The following NELL1 variants were observed in gnomAD, a reference collection of about 807,000 sequenced individuals.
The protein encoded by NELL1 is neural EGFL like 1.
In NELL1, 76 loss-of-function variants were observed where a neutral mutation model predicts 107.4. The observed-to-expected ratio is 0.71, with a 90% CI of 0.59 to 0.86. The LOEUF is 0.86. Ranked by LOEUF, NELL1 falls within the 40% of genes least tolerant of loss-of-function variation. The probability of loss-of-function intolerance (pLI) is 0.00; values close to 1 mark genes in which losing one functional copy is unlikely to be tolerated. For missense variants in NELL1, 1,024 were observed against 1,005.5 expected, an observed-to-expected ratio of 1.02 and a Z score of -0.25; for synonymous variants, 353 against 341.2, an observed-to-expected ratio of 1.03 and a Z score of -0.38.
chr11:20,724,705 T>C (rs1855469548), intron 2 of NELL1, among the ~76,000 whole-genome samples: 1 of 152,192 alleles, frequency 6.6e-6, no homozygotes. Context: ...CTTCTTTTTT[T>C]CTTCTGAGCC....
upstream of NELL1, chr11:20,669,557 G>A: frequency 3.0e-6 from 1 of 332,536 alleles, no homozygotes. The surrounding 1 kb of genome is among the most constrained non-coding windows in gnomAD (Gnocchi z 4.4). Context: ...GGCCGGGGCT[G>A]CCTTCCCGGG....
chr11:20,928,286 G>A, intron 8 of NELL1, 91 bp from the exon 9 acceptor site: 1 of 1,142,836 alleles, frequency 8.8e-7, no homozygotes, highest in Non-Finnish European at 1.3e-6. Flanking sequence ...TTTCCCTGAT[G>A]AGGTTTCTGG....
chr11:21,057,266 T>G (rs1239819766), intron 12 of NELL1, among the ~76,000 whole-genome samples: 3 of 152,060 alleles, frequency 2.0e-5, no homozygotes, highest in African/African-American at 4.8e-5. Context: ...ACTAAAATGA[T>G]TAGATGCATT....
At chr11:21,180,936 A>G (rs1056958856) in intron 13 of NELL1, among the ~76,000 whole-genome samples, 5 of 151,586 alleles carry the variant, frequency 3.3e-5, no homozygotes, top group East Asian at 3.9e-4. Flanking sequence ...TCCTATTTCT[A>G]TTTTTCCCCA....
intron 15 of NELL1, among the ~76,000 whole-genome samples, chr11:21,485,234 C>T (rs545112159): frequency 6.6e-6 from 1 of 152,258 alleles, no homozygotes; most frequent in Non-Finnish European, 1.5e-5. Flanking sequence ...TCTGAGAGCT[C>T]AGCCCTCAAA....
intron 15 of NELL1, among the ~76,000 whole-genome samples, chr11:21,425,460 A>C (rs193278944): frequency 9.2e-5 from 14 of 152,312 alleles, no homozygotes; most frequent in Non-Finnish European, 1.9e-4. Context: ...CTGAATTATC[A>C]GGGTGGACCT....
intron 14 of NELL1, among the ~76,000 whole-genome samples, chr11:21,327,530 T>A (rs1285978499): frequency 6.6e-6 from 1 of 152,104 alleles, no homozygotes; most frequent in East Asian, 1.9e-4. Context: ...AATTACCTAG[T>A]CTCCAGTGTG....
At chr11:20,843,889 G>GGGTGGACCTTTGGTATCAAA (rs1354158906) in intron 3 of NELL1, among the ~76,000 whole-genome samples, 1 of 152,098 alleles carries the variant, frequency 6.6e-6, no homozygotes, top group Non-Finnish European at 1.5e-5. Flanking sequence ...TGATACCCAA[G>GGGTGGACCTTTGGTATCAAA]GGTGGACCTT....
chr11:21,561,684 A>T (rs958290111), intron 17 of NELL1, among the ~76,000 whole-genome samples: 2 of 152,074 alleles, frequency 1.3e-5, no homozygotes, highest in African/African-American at 4.8e-5. Flanking sequence ...TGGTATATTT[A>T]AAACCAGTTA....
At chr11:21,522,780 T>C (rs956429846) in intron 15 of NELL1, among the ~76,000 whole-genome samples, 1 of 151,860 alleles carries the variant, frequency 6.6e-6, no homozygotes, top group Non-Finnish European at 1.5e-5. Context: ...TTTTATGAAA[T>C]ACCTTTTTTA....
At chr11:21,092,074 C>A (rs543206025) in intron 12 of NELL1, among the ~76,000 whole-genome samples, 68 of 152,198 alleles carry the variant, frequency 4.5e-4, no homozygotes, top group African/African-American at 1.3e-3. Flanking sequence ...ACCGAGTATT[C>A]CAAGGTGATG....
At chr11:20,950,446 C>G in intron 11 of NELL1, among the ~76,000 whole-genome samples, 1 of 152,312 alleles carries the variant, frequency 6.6e-6, no homozygotes, top group Middle Eastern at 3.4e-3. Context: ...GTAACATAAT[C>G]ATCTCTCACA....
intron 12 of NELL1, among the ~76,000 whole-genome samples, chr11:21,103,319 T>C (rs888843526): frequency 6.6e-6 from 1 of 152,142 alleles, no homozygotes; most frequent in Non-Finnish European, 1.5e-5. Context: ...AATGAATAAT[T>C]TGACCAAGTA....
At chr11:20,915,717 A>ATATATATATATATATTTTTTTTTTTTT in intron 5 of NELL1, among the ~76,000 whole-genome samples, 4 of 58,214 alleles carry the variant, frequency 6.9e-5, no homozygotes, top group African/African-American at 2.7e-4. Flanking sequence ...ATATATATAT[A>ATATATATATATATATTTTTTTTTTTTT]TTTTTTTTTT....
At chr11:21,367,261 T>TACACACACACAC (rs72275889) in intron 14 of NELL1, among the ~76,000 whole-genome samples, 4 of 145,134 alleles carry the variant, frequency 2.8e-5, no homozygotes, top group African/African-American at 1.0e-4. Flanking sequence ...TTTATCTTAC[T>TACACACACACAC]ACACACACAC....
chr11:21,187,113 C>CT (rs779747914), intron 13 of NELL1, among the ~76,000 whole-genome samples: 43 of 151,512 alleles, frequency 2.8e-4, no homozygotes, highest in South Asian at 1.0e-3. Context: ...ATTTAAAAGT[C>CT]TTTTTTTTGT....
At chr11:21,228,189 A>G (rs1355121665) in intron 13 of NELL1, among the ~76,000 whole-genome samples, 1 of 152,194 alleles carries the variant, frequency 6.6e-6, no homozygotes, top group Non-Finnish European at 1.5e-5. Flanking sequence ...AAACTTTGCC[A>G]TATTGTTTAG....
chr11:21,334,818 G>A (rs1850353409), intron 14 of NELL1, among the ~76,000 whole-genome samples: 1 of 151,904 alleles, frequency 6.6e-6, no homozygotes, highest in African/African-American at 2.4e-5. Context: ...TATATTGTAT[G>A]TCAATATGCT....
intron 13 of NELL1, among the ~76,000 whole-genome samples, chr11:21,122,508 G>T (rs1373798334): frequency 6.6e-6 from 1 of 151,930 alleles, no homozygotes; most frequent in East Asian, 1.9e-4. Context: ...TGTTATTTCT[G>T]TACTTTTTAG....
Sources: allele counts gnomAD v4.1 joint callset (sites outside exome capture counted in the v4.1 genomes callset), GRCh38; gene constraint gnomAD v4.1.1; non-coding constraint Gnocchi (gnomAD v3.1); transcripts MANE v1.5; gene names NCBI Gene and HGNC (gene_info 2026-07-23, HGNC 2026-07-21).